ERAP2: variants seen among roughly 807,000 people sequenced by gnomAD.
ERAP2 encodes endoplasmic reticulum aminopeptidase 2.
ERAP2 carries 118 observed loss-of-function variants against 111.1 expected under a neutral mutation model. The observed-to-expected ratio is 1.06, with a 90% confidence interval of 0.92 to 1.24. The LOEUF is 1.24. Ranked by LOEUF, ERAP2 falls within the 50% of genes most tolerant of loss-of-function variation. ERAP2 has a pLI of 0.00. For missense variants in ERAP2, 1,131 were observed against 1,125.8 expected, an observed-to-expected ratio of 1.00 and a Z score of -0.07; for synonymous variants, 410 against 401.2, an observed-to-expected ratio of 1.02 and a Z score of -0.26.
chr5:96,879,070 G>C (rs746420423), intron 1 of ERAP2, among the ~76,000 whole-genome samples: 1 of 152,022 alleles, frequency 6.6e-6, no homozygotes, highest in Non-Finnish European at 1.5e-5. Context: ...TACAAAAAAG[G>C]TAGCCGAGTG....
chr5:96,900,843 AT>A (rs1254892231), intron 10 of ERAP2, among the ~76,000 whole-genome samples: 1 of 151,914 alleles, frequency 6.6e-6, no homozygotes, highest in Admixed American at 6.6e-5. Flanking sequence ...TGCCCGGCTA[AT>A]TTTTTTGTAT....
intron 13 of ERAP2, among the ~76,000 whole-genome samples, chr5:96,907,867 G>A (rs904876336): frequency 1.5e-5 from 2 of 130,408 alleles, no homozygotes; most frequent in Non-Finnish European, 3.2e-5. Flanking sequence ...TGGGTGACAA[G>A]AGCAAAACTC....
At chr5:96,914,565 C>G (rs958827411) in intron 17 of ERAP2, among the ~76,000 whole-genome samples, 15 of 152,186 alleles carry the variant, frequency 9.9e-5, no homozygotes, top group African/African-American at 3.6e-4. Flanking sequence ...ATCTACAATG[C>G]TGTGGATTTC....
At chr5:96,914,344 T>G (rs2112411477) in intron 17 of ERAP2, among the ~76,000 whole-genome samples, 1 of 152,312 alleles carries the variant, frequency 6.6e-6, no homozygotes, top group Admixed American at 6.5e-5. Context: ...TTCATAGCCG[T>G]GGAAGGTTTA....
At chr5:96,915,654 T>C in intron 17 of ERAP2, 34 bp from the exon 18 acceptor site, 1 of 1,342,532 alleles carries the variant, frequency 7.4e-7, no homozygotes, top group Non-Finnish European at 1.0e-6. Flanking sequence ...TCAGTATTTC[T>C]ATGACTTTCT....
At chr5:96,881,543 A>G in intron 2 of ERAP2, 1 of 453,156 alleles carries the variant, frequency 2.2e-6, no homozygotes, top group South Asian at 1.6e-5. Flanking sequence ...TGCCAGTTGG[A>G]GAAATCTAAA....
At chr5:96,902,207 G>A in intron 11 of ERAP2, 67 bp from the exon 12 acceptor site, 1 of 1,104,674 alleles carries the variant, frequency 9.1e-7, no homozygotes, top group South Asian at 1.3e-5. Flanking sequence ...GTCTGTCTGA[G>A]TCTGACAATG....
At chr5:96,902,988 A>AT (rs1785642437) in intron 12 of ERAP2, among the ~76,000 whole-genome samples, 1 of 152,238 alleles carries the variant, frequency 6.6e-6, no homozygotes. Flanking sequence ...TAAAATGAAC[A>AT]AATGGATCAC....
chr5:96,889,939 T>C (rs1784162421), intron 5 of ERAP2, among the ~76,000 whole-genome samples: 1 of 152,152 alleles, frequency 6.6e-6, no homozygotes, highest in African/African-American at 2.4e-5. Context: ...CAATCTTTTA[T>C]AAAAGTTGTC....
At chr5:96,906,381 C>T (rs756057439) in intron 13 of ERAP2, among the ~76,000 whole-genome samples, 9 of 152,170 alleles carry the variant, frequency 5.9e-5, no homozygotes, top group Non-Finnish European at 1.0e-4. Flanking sequence ...ATCCTCCCAC[C>T]TCAGCCTCCT....
At chr5:96,916,202 C>T (rs894874816) in intron 18 of ERAP2, among the ~76,000 whole-genome samples, 1 of 149,570 alleles carries the variant, frequency 6.7e-6, no homozygotes, top group Non-Finnish European at 1.5e-5. Flanking sequence ...GCCTGGGTGA[C>T]AGAGTGAGAC....
intron 18 of ERAP2, among the ~76,000 whole-genome samples, chr5:96,916,532 C>T (rs1175531993): frequency 3.6e-5 from 5 of 139,286 alleles, no homozygotes; most frequent in Non-Finnish European, 6.1e-5. Flanking sequence ...CTTGCGATCT[C>T]GGCTCACTGC....
At chr5:96,898,572 CA>C (rs770783071) in intron 9 of ERAP2, among the ~76,000 whole-genome samples, 97 of 94,450 alleles carry the variant, frequency 1.0e-3, no homozygotes, top group South Asian at 2.9e-3. Context: ...TACTAAAATA[CA>C]AAAAAAAAAA....
At chr5:96,907,348 T>C (rs944050073) in intron 13 of ERAP2, among the ~76,000 whole-genome samples, 1 of 152,178 alleles carries the variant, frequency 6.6e-6, no homozygotes, top group Non-Finnish European at 1.5e-5. Context: ...TAGGCAACTA[T>C]AAAAGTAAGT....
In ERAP2 at chr5:96,883,953, T is replaced by A. The variant is rs772210333; in HGVS notation, c.714+23T>A. The A allele has an allele frequency of 3.9e-6, 6 of 1,549,756 alleles. No homozygotes were observed. In the Admixed American group the frequency reaches 1.3e-4, roughly 33 times the overall value. ...AAGGTATGTCCACTTCCAGAAACTT[T>A]TAGAAATTGTTCTCAAGTTGAGACT... On this transcript the variant is annotated intron_variant, in intron 3 of 18. Coordinates refer to ENST00000437043, the MANE Select transcript of ERAP2 (RefSeq NM_022350.5).
intron 13 of ERAP2, among the ~76,000 whole-genome samples, chr5:96,907,961 T>A (rs1463905423): frequency 2.6e-5 from 4 of 152,062 alleles, no homozygotes; most frequent in African/African-American, 9.7e-5. Context: ...TCAGGTGAAA[T>A]TTTTGAAAAA....
Position 96,909,682 on chromosome 5 carries a change from G to T in ERAP2, c.2272G>T (p.Ala758Ser). 6.2e-7 allele frequency: 1 copy of T among 1,614,194 alleles called. No homozygotes were observed. Reference sequence around the variant, plus strand: ...GCTCCGCTCGGCTCTCTTGAAGCTGGCCTGTGACCTGAACCATGCTCCTTG... The same window carrying T: ...GCTCCGCTCGGCTCTCTTGAAGCTGTCCTGTGACCTGAACCATGCTCCTTG... ...RMLRSALLKLACDLNHAPCIQ... is the reference protein window; with the variant it reads ...RMLRSALLKLSCDLNHAPCIQ... The change falls in exon 15 of 19, where the codon GCC becomes TCC. Residue 758 changes from alanine (A) to serine (S), a missense_variant. Ala to Ser is a moderately conservative substitution (Grantham distance 99). This residue lies in a region of ERAP2 where 279 missense variants were observed against 250.9 expected (regional missense o/e 1.11). Transcript: ENST00000437043.
At chr5:96,881,325 T>A in intron 2 of ERAP2, 1 of 437,842 alleles carries the variant, frequency 2.3e-6, no homozygotes, top group South Asian at 1.6e-5. Context: ...TGGCAGTGCT[T>A]ATGGAGTGAA....
Position 96,903,443 on chromosome 5 carries a change from T to A in ERAP2, c.1895T>A (p.Ile632Asn), listed in dbSNP as rs778471680. 1.9e-6 allele frequency: 3 copies of A among 1,613,980 alleles called. No homozygotes were observed. The African/African-American group carries it at 4.0e-5, about 22-fold the overall frequency. Reference protein sequence around the residue: ...KFNVDSNGYYIVHYEGHGWDQ... With the variant: ...KFNVDSNGYYNVHYEGHGWDQ... ...AATGTGGACTCAAATGGTTACTACATCGTTCACTATGAGGGTCATGGATGG... is the reference window on the plus strand; with the variant it reads ...AATGTGGACTCAAATGGTTACTACAACGTTCACTATGAGGGTCATGGATGG... Residue 632 changes from isoleucine to asparagine, a missense_variant, in exon 13 of 19, where the codon ATC (isoleucine) becomes AAC (asparagine). Physicochemically the swap from Ile to Asn is moderately radical, Grantham distance 149 (BLOSUM62 -3). Transcript: ENST00000437043.
Sources: gnomAD v4.1 joint callset for allele counts (sites outside exome capture counted in the v4.1 genomes callset) on GRCh38, gnomAD v4.1.1 for gene constraint, gnomAD v4.1.1 regional missense constraint, MANE v1.5 for transcripts, NCBI Gene and HGNC (gene_info 2026-07-23, HGNC 2026-07-21) for gene names.